Variants in DTNB observed in about 807,000 individuals in gnomAD.
DTNB encodes the protein DTN-B.
In DTNB, 63 loss-of-function variants were observed where a neutral mutation model predicts 90.7. The ratio of observed to expected loss-of-function variants is 0.69; its 90% CI spans 0.57 to 0.86. The LOEUF (loss-of-function observed/expected upper bound fraction) is 0.86, where lower values mean the gene tolerates loss of function less well. DTNB is among the 40% of genes least tolerant of loss of function. The pLI is 0.00. For missense variants in DTNB, 744 were observed against 807.1 expected, an observed-to-expected ratio of 0.92 and a Z score of 0.95; for synonymous variants, 277 against 286.7, an observed-to-expected ratio of 0.97 and a Z score of 0.34.
intron 8 of DTNB, among the ~76,000 whole-genome samples, chr2:25,535,993 G>A (rs1377164641): frequency 6.7e-6 from 1 of 148,818 alleles, no homozygotes; most frequent in African/African-American, 2.5e-5. Flanking sequence ...TCCCAGAGGG[G>A]GCGGCCAGGC....
intron 18 of DTNB, among the ~76,000 whole-genome samples, chr2:25,385,284 T>C (rs1198855413): frequency 6.6e-6 from 1 of 152,180 alleles, no homozygotes; most frequent in Admixed American, 6.5e-5. Flanking sequence ...ATAGAATATA[T>C]GTAAAGATAA....
intron 14 of DTNB, 43 bp downstream of exon 14, chr2:25,432,843 A>G: frequency 6.5e-7 from 1 of 1,544,486 alleles, no homozygotes; most frequent in Non-Finnish European, 8.8e-7. Flanking sequence ...AGTTCCATCC[A>G]TAGTAGATTA....
chr2:25,504,474 AAAG>A (rs1394562802), intron 9 of DTNB, among the ~76,000 whole-genome samples: 1 of 150,980 alleles, frequency 6.6e-6, no homozygotes, highest in Non-Finnish European at 1.5e-5. Flanking sequence ...GGAAGGAAGG[AAAG>A]AAGGAAAGAC....
At chr2:25,434,503 T>C (rs1437425022) in intron 12 of DTNB, among the ~76,000 whole-genome samples, 1 of 150,358 alleles carries the variant, frequency 6.7e-6, no homozygotes, top group Non-Finnish European at 1.5e-5. Context: ...CTTGAACTCC[T>C]GGGCTCTCAC....
At chr2:25,457,002 G>GT (rs902660590) in intron 10 of DTNB, among the ~76,000 whole-genome samples, 79 of 151,596 alleles carry the variant, frequency 5.2e-4, no homozygotes, top group African/African-American at 1.8e-3. Flanking sequence ...AAATGCTCTA[G>GT]TTTTTTTTCT....
intron 6 of DTNB, among the ~76,000 whole-genome samples, chr2:25,592,060 C>CA (rs1162292627): frequency 0.065 from 3,119 of 48,248 alleles, 113 homozygotes; most frequent in Non-Finnish European, 0.1. Flanking sequence ...GACTCCATCT[C>CA]AAAAAAAAAA....
At chr2:25,653,118 A>C (rs2148945081) in intron 1 of DTNB, 1 of 152,880 alleles carries the variant, frequency 6.5e-6, no homozygotes, top group South Asian at 2.1e-4. Context: ...TTCATATTAA[A>C]GAAATCAGGT....
At chr2:25,427,723 T>TA in intron 14 of DTNB, 92 bp from the exon 15 acceptor site, 1 of 1,230,382 alleles carries the variant, frequency 8.1e-7, no homozygotes, top group East Asian at 2.4e-5. Flanking sequence ...TCCTGCTACT[T>TA]ACCAGTTATG....
chr2:25,622,646 T>C (rs561513038), intron 4 of DTNB, among the ~76,000 whole-genome samples: 1 of 152,234 alleles, frequency 6.6e-6, no homozygotes, highest in African/African-American at 2.4e-5. Context: ...GGACTATGCA[T>C]GCATGTGAAC....
chr2:25,401,695 T>G (rs923733377), intron 16 of DTNB, among the ~76,000 whole-genome samples: 2 of 152,228 alleles, frequency 1.3e-5, no homozygotes, highest in African/African-American at 4.8e-5. Flanking sequence ...CAGAGAGACT[T>G]GTGGCAAAAG....
chr2:25,432,065 C>T (rs1189053742), intron 14 of DTNB, among the ~76,000 whole-genome samples: 1 of 151,954 alleles, frequency 6.6e-6, no homozygotes, highest in East Asian at 1.9e-4. Flanking sequence ...GGAAAAGAAA[C>T]AAGAGGCTAC....
chr2:25,581,399 A>C (rs1311053797), intron 6 of DTNB, among the ~76,000 whole-genome samples: 2 of 152,248 alleles, frequency 1.3e-5, no homozygotes, highest in African/African-American at 2.4e-5. Context: ...ACAGAAGCTT[A>C]AAGTAGTTTA....
intron 16 of DTNB, among the ~76,000 whole-genome samples, chr2:25,407,844 G>A (rs2045602953): frequency 6.6e-6 from 1 of 152,144 alleles, no homozygotes; most frequent in Non-Finnish European, 1.5e-5. Context: ...TGGGTGACGG[G>A]TGCACCAAAA....
intron 4 of DTNB, among the ~76,000 whole-genome samples, chr2:25,624,663 G>A (rs1053419316): frequency 2.6e-5 from 4 of 152,106 alleles, no homozygotes; most frequent in Non-Finnish European, 2.9e-5. Context: ...AATAGAAAGG[G>A]GATTTTTAAG....
At chr2:25,560,430 T>A (rs1203748463) in intron 8 of DTNB, among the ~76,000 whole-genome samples, 1 of 152,192 alleles carries the variant, frequency 6.6e-6, no homozygotes, top group East Asian at 1.9e-4. Context: ...CCCAATCATT[T>A]GAAGGCCTGA....
At chr2:25,432,206 T>TATACACAC (rs2054087355) in intron 14 of DTNB, among the ~76,000 whole-genome samples, 4 of 146,320 alleles carry the variant, frequency 2.7e-5, no homozygotes. Context: ...GAAGAGTGCG[T>TATACACAC]ACACACACAC....
chr2:25,526,809 C>T (rs2077276318), intron 9 of DTNB, among the ~76,000 whole-genome samples: 1 of 151,978 alleles, frequency 6.6e-6, no homozygotes, highest in Admixed American at 6.6e-5. Flanking sequence ...AAAGGTGACT[C>T]GAGTGGGACA....
chr2:25,409,689 TCTCA>T (rs1212678711), intron 16 of DTNB, among the ~76,000 whole-genome samples: 1 of 152,196 alleles, frequency 6.6e-6, no homozygotes, highest in Admixed American at 6.5e-5. Context: ...TGTCTTATTG[TCTCA>T]CTAACTTCCT....
At chr2:25,623,341 T>C (rs183527753) in intron 4 of DTNB, among the ~76,000 whole-genome samples, 1 of 152,254 alleles carries the variant, frequency 6.6e-6, no homozygotes, top group Non-Finnish European at 1.5e-5. Flanking sequence ...AGTGATTTGA[T>C]TCCAGAGGGG....
Sources: allele counts gnomAD v4.1 joint callset (sites outside exome capture counted in the v4.1 genomes callset), GRCh38; gene constraint gnomAD v4.1.1; transcripts MANE v1.5; gene names NCBI Gene and HGNC (gene_info 2026-07-23, HGNC 2026-07-21).